CEP120: variants seen among roughly 807,000 people sequenced by gnomAD.
The protein encoded by CEP120 is centrosomal protein of 120 kDa.
A neutral mutation model predicts 126.5 loss-of-function variants in CEP120; 113 were observed. The observed-to-expected ratio is 0.89, with a 90% confidence interval of 0.77 to 1.04. The LOEUF is 1.04. CEP120 is among the 50% of genes least tolerant of loss of function. The probability of loss-of-function intolerance (pLI) is 0.00; values close to 1 mark genes in which losing one functional copy is unlikely to be tolerated. For missense variants in CEP120, 1,230 were observed against 1,155.7 expected, an observed-to-expected ratio of 1.06 and a Z score of -0.93; for synonymous variants, 400 against 394.3, an observed-to-expected ratio of 1.01 and a Z score of -0.17.
At chr5:123,384,495 TCTGA>T (rs1037423900) in intron 11 of CEP120, among the ~76,000 whole-genome samples, 3 of 152,140 alleles carry the variant, frequency 2.0e-5, no homozygotes, top group African/African-American at 7.2e-5. Flanking sequence ...AAAAACTGCC[TCTGA>T]CTGCCAAATA....
chr5:123,352,235 G>T (rs1769243262), intron 18 of CEP120, among the ~76,000 whole-genome samples: 1 of 151,966 alleles, frequency 6.6e-6, no homozygotes, highest in Non-Finnish European at 1.5e-5. Flanking sequence ...TCTTCGGCCT[G>T]TCTTTTTACT....
chr5:123,416,153 G>T, intron 2 of CEP120, 29 bp from the exon 3 acceptor site: 1 of 1,362,634 alleles, frequency 7.3e-7, no homozygotes, highest in South Asian at 1.2e-5. Flanking sequence ...TAAATAAAAT[G>T]GTTTTTGCTT....
chr5:123,360,081 G>A (rs1382306227), intron 18 of CEP120, among the ~76,000 whole-genome samples: 3 of 151,916 alleles, frequency 2.0e-5, no homozygotes, highest in Non-Finnish European at 4.4e-5. Flanking sequence ...ATTCACCAGA[G>A]GCAATGTAAA....
chr5:123,398,718 T>C (rs1772970594), intron 5 of CEP120, among the ~76,000 whole-genome samples: 1 of 152,214 alleles, frequency 6.6e-6, no homozygotes, highest in South Asian at 2.1e-4. Context: ...AACAGCTTAA[T>C]TTATTAGTTT....
In CEP120 at chr5:123,384,989, T is replaced by C. The variant is rs537701477; in HGVS notation, c.1725A>G (p.Gln575=). 1.2e-6 allele frequency: 2 copies of C among 1,612,398 alleles called. No individual in the cohort carries two copies. Among genetic ancestry groups the C allele is most frequent in the African/African-American group, 1.3e-5 (1 of 74,912 alleles). Residue 575 remains glutamine, a synonymous_variant, in exon 11 of 20, where the codon CAA becomes CAG. Transcript: ENST00000306467. ...LGSNGEQCWR[Q]TYSESVPVIA... is the part of the protein sequence containing the mutation. ...TAACAGGCACACTTTCACTGTAAGTTTGACGCCAACACTGTTCACCATTAG... is the reference window on the plus strand; with the variant it reads ...TAACAGGCACACTTTCACTGTAAGTCTGACGCCAACACTGTTCACCATTAG...
At chr5:123,361,049 A>G (rs934110) in intron 18 of CEP120, among the ~76,000 whole-genome samples, 108,392 of 151,460 alleles carry the variant, frequency 0.72, 38,912 homozygotes, top group African/African-American at 0.75. Flanking sequence ...TGATTATTCA[A>G]TTCTCCAGAG....
At chr5:123,382,379 G>T (rs1458591579) in intron 13 of CEP120, among the ~76,000 whole-genome samples, 179 bp from the exon 14 acceptor site, 1 of 148,222 alleles carries the variant, frequency 6.7e-6, no homozygotes, top group Non-Finnish European at 1.5e-5. Flanking sequence ...GCCCATTTGA[G>T]TTCACTTCAG....
At chr5:123,375,553 G>A (rs2127029229) in intron 16 of CEP120, among the ~76,000 whole-genome samples, 1 of 149,852 alleles carries the variant, frequency 6.7e-6, no homozygotes, top group South Asian at 2.2e-4. Flanking sequence ...GAACTCCTGG[G>A]CTCAAGCACT....
At chr5:123,387,118 T>C (rs1043700779) in intron 9 of CEP120, among the ~76,000 whole-genome samples, 4 of 152,182 alleles carry the variant, frequency 2.6e-5, no homozygotes, top group African/African-American at 9.6e-5. Flanking sequence ...TTTCTCCCTT[T>C]CATCACAAAG....
intron 4 of CEP120, chr5:123,403,267 A>G: frequency 4.4e-6 from 2 of 456,008 alleles, no homozygotes; most frequent in Non-Finnish European, 8.8e-6. Flanking sequence ...GAAAGGAAGC[A>G]GGGCTCCTTA....
intron 5 of CEP120, among the ~76,000 whole-genome samples, chr5:123,394,804 T>G (rs1419651519): frequency 6.6e-6 from 1 of 152,256 alleles, no homozygotes; most frequent in Non-Finnish European, 1.5e-5. Context: ...ACCTATGCAC[T>G]TATAATTGTT....
chr5:123,402,162 C>A (rs1773293546), intron 4 of CEP120: 27 of 1,582,248 alleles, frequency 1.7e-5, no homozygotes, highest in Non-Finnish European at 2.3e-5. Context: ...GGTGATGCCT[C>A]CCATGCCGCT....
intron 4 of CEP120, among the ~76,000 whole-genome samples, chr5:123,406,117 T>G (rs912505840): frequency 6.6e-6 from 1 of 151,984 alleles, no homozygotes; most frequent in African/African-American, 2.4e-5. Flanking sequence ...AAAGAATCTC[T>G]GAGCTTAGTA....
chr5:123,387,764 A>C (rs1772121871), intron 9 of CEP120, among the ~76,000 whole-genome samples: 1 of 152,120 alleles, frequency 6.6e-6, no homozygotes, highest in African/African-American at 2.4e-5. Flanking sequence ...ACATTATTGT[A>C]TTATATTTAA....
intron 15 of CEP120, 82 bp from the exon 16 acceptor site, chr5:123,377,617 C>T: frequency 9.5e-7 from 1 of 1,050,442 alleles, no homozygotes; most frequent in Non-Finnish European, 1.4e-6. Flanking sequence ...TTTCTATACA[C>T]TCAAATGTTG....
chr5:123,364,207 G>A (rs1274434434), intron 18 of CEP120, among the ~76,000 whole-genome samples: 6 of 151,486 alleles, frequency 4.0e-5, no homozygotes, highest in Non-Finnish European at 5.9e-5. Context: ...TTAATCCTAA[G>A]AAAGAAAAGG....
chr5:123,353,627 C>G (rs575653288), intron 18 of CEP120, among the ~76,000 whole-genome samples: 6 of 151,782 alleles, frequency 4.0e-5, no homozygotes, highest in African/African-American at 1.4e-4. Flanking sequence ...GGGTCTGGAG[C>G]CTTCTTTGTG....
At chr5:123,350,853 T>TTCCACA (rs1769155121) in intron 18 of CEP120, among the ~76,000 whole-genome samples, 1 of 152,206 alleles carries the variant, frequency 6.6e-6, no homozygotes, top group Non-Finnish European at 1.5e-5. Context: ...ATGAGTAACA[T>TTCCACA]TCCACATAAT....
At chr5:123,406,137 G>C (rs1298697378) in intron 4 of CEP120, among the ~76,000 whole-genome samples, 1 of 150,758 alleles carries the variant, frequency 6.6e-6, no homozygotes, top group Non-Finnish European at 1.5e-5. Flanking sequence ...ATGACAATAG[G>C]AGTTTCCAAA....
Sources: gnomAD v4.1 joint callset for allele counts (sites outside exome capture counted in the v4.1 genomes callset) on GRCh38, gnomAD v4.1.1 for gene constraint, MANE v1.5 for transcripts, NCBI Gene and HGNC (gene_info 2026-07-23, HGNC 2026-07-21) for gene names.